The following CNGB3 variants were observed in gnomAD, a reference collection of about 807,000 sequenced individuals.
The protein encoded by CNGB3 is cyclic nucleotide-gated channel beta-3.
Under a neutral mutation model 92.8 loss-of-function variants are expected in CNGB3, and 86 were observed. That is an observed-to-expected ratio of 0.93 (90% CI 0.78 to 1.11). The LOEUF (loss-of-function observed/expected upper bound fraction) is 1.11. CNGB3 is among the 50% of genes least tolerant of loss of function. The probability of loss-of-function intolerance (pLI) is 0.00; values close to 1 mark genes in which losing one functional copy is unlikely to be tolerated. For missense variants in CNGB3, 1,026 were observed against 956.8 expected, an observed-to-expected ratio of 1.07 and a Z score of -0.95; for synonymous variants, 333 against 332.7, an observed-to-expected ratio of 1.00 and a Z score of -0.01.
intron 3 of CNGB3, among the ~76,000 whole-genome samples, chr8:86,683,237 A>G (rs77969655): frequency 6.6e-6 from 1 of 152,122 alleles, no homozygotes; most frequent in Non-Finnish European, 1.5e-5. Flanking sequence ...TAGTTAAGAG[A>G]TACTCTGAGT....
At chr8:86,738,331 C>T (rs1458431873) in intron 2 of CNGB3, among the ~76,000 whole-genome samples, 1 of 152,104 alleles carries the variant, frequency 6.6e-6, no homozygotes, top group Non-Finnish European at 1.5e-5. Context: ...TTTTGTCCTG[C>T]AGGCAATATG....
chr8:86,641,701 A>G (rs1823191356), intron 10 of CNGB3, among the ~76,000 whole-genome samples: 1 of 151,424 alleles, frequency 6.6e-6, no homozygotes, highest in Admixed American at 6.6e-5. Flanking sequence ...GGTTACTCAC[A>G]CTCATTTTCT....
At chr8:86,633,969 A>G (rs1159709787) in intron 10 of CNGB3, among the ~76,000 whole-genome samples, 1 of 152,202 alleles carries the variant, frequency 6.6e-6, no homozygotes, top group South Asian at 2.1e-4. Context: ...GAAATTTGGT[A>G]TTGAAGAAAA....
intron 15 of CNGB3, among the ~76,000 whole-genome samples, chr8:86,597,590 T>C (rs868238993): frequency 6.6e-6 from 1 of 152,056 alleles, no homozygotes; most frequent in Non-Finnish European, 1.5e-5. Context: ...GGGGAAAGCA[T>C]CCAGGCGGAG....
At chr8:86,661,921 G>T in intron 6 of CNGB3, 1 of 742,098 alleles carries the variant, frequency 1.3e-6, no homozygotes, top group Non-Finnish European at 2.4e-6. Context: ...TAGGATTCTT[G>T]GAATCTCTAG....
intron 6 of CNGB3, chr8:86,659,588 G>T: frequency 3.6e-6 from 2 of 551,986 alleles, no homozygotes. Context: ...TGTAGAGACA[G>T]CAGAGAGAGC....
At chr8:86,644,810 C>A in intron 8 of CNGB3, 124 bp from the exon 9 acceptor site, 2 of 655,258 alleles carry the variant, frequency 3.1e-6, no homozygotes, top group Non-Finnish European at 4.2e-6. Flanking sequence ...TTTAAAAAAA[C>A]CAAGATCCTG....
chr8:86,668,676 A>C (rs1013861927), intron 4 of CNGB3, among the ~76,000 whole-genome samples: 1 of 132,690 alleles, frequency 7.5e-6, no homozygotes, highest in Non-Finnish European at 1.6e-5. Flanking sequence ...AAATAAATAA[A>C]TGTTAATAAA....
intron 3 of CNGB3, among the ~76,000 whole-genome samples, chr8:86,724,067 A>G (rs1037264905): frequency 9.9e-5 from 15 of 152,134 alleles, no homozygotes; most frequent in African/African-American, 3.6e-4. Context: ...TCAAAAAACT[A>G]CCTATTGTGT....
At chr8:86,607,675 C>G (rs903913802) in intron 14 of CNGB3, among the ~76,000 whole-genome samples, 7 of 152,070 alleles carry the variant, frequency 4.6e-5, no homozygotes, top group African/African-American at 1.7e-4. Flanking sequence ...AACAAGAGCT[C>G]TAGGTGATTT....
At chr8:86,606,325 A>G (rs151311718) in intron 14 of CNGB3, among the ~76,000 whole-genome samples, 285 of 151,688 alleles carry the variant, frequency 1.9e-3, no homozygotes, top group African/African-American at 6.4e-3. Flanking sequence ...TAATTTTTGT[A>G]TTTATTGTAG....
In CNGB3 at chr8:86,587,163, T is replaced by C. The variant is rs62512473; in HGVS notation, c.1782-7911A>G. Among the ~76,000 whole-genome samples the C allele has an allele frequency of 6.4e-3, 875 of 137,196 alleles. 3 individuals carry two copies. The highest frequency in any genetic ancestry group is 0.011 in the Non-Finnish European group (672 of 62,420). 90.0% of individuals were successfully genotyped at this position (137,196 alleles called of 152,430 possible). ...TTGAGAAGTGTCTGTTCATGTCCTT[T>C]GCCCACTTTTTGATGGGGTTGTTTG... On this transcript the variant is annotated intron_variant, in intron 15 of 17. Transcript: ENST00000320005.
chr8:86,651,586 G>T (rs1482497820), intron 7 of CNGB3, among the ~76,000 whole-genome samples: 4 of 151,718 alleles, frequency 2.6e-5, no homozygotes, highest in African/African-American at 9.7e-5. Context: ...ACAGTTTTTG[G>T]CTTAAATCAT....
At chr8:86,741,230 T>C (rs1470315791) in intron 1 of CNGB3, among the ~76,000 whole-genome samples, 1 of 152,234 alleles carries the variant, frequency 6.6e-6, no homozygotes, top group Non-Finnish European at 1.5e-5. Flanking sequence ...AAAGGTCGAA[T>C]TCCGTGAAAG....
At position 86,643,748 on chromosome 8, in the gene CNGB3, T is replaced by G; in HGVS notation, c.1178+3A>C. On this transcript the variant is annotated splice_donor_region_variant and intron_variant, in intron 10 of 17. Transcript: ENST00000320005. Reference sequence around the variant, plus strand: ...AAAGGTTTCTTTCAAAATCAGAACTTACTCGTTTCCTTCCCCATCATACAC... The same window carrying G: ...AAAGGTTTCTTTCAAAATCAGAACTGACTCGTTTCCTTCCCCATCATACAC... 6.2e-7 allele frequency: 1 copy of G among 1,605,198 alleles called. No individual in the cohort carries two copies. Among genetic ancestry groups the G allele is most frequent in the Middle Eastern group, 1.7e-4 (1 of 6,024 alleles).
intron 10 of CNGB3, among the ~76,000 whole-genome samples, chr8:86,635,869 T>TATATAC (rs1554611026): frequency 1.3e-4 from 9 of 70,830 alleles, no homozygotes; most frequent in East Asian, 4.0e-4. Context: ...TATATACACA[T>TATATAC]ACACATATAC....
At chr8:86,594,171 CG>C in intron 15 of CNGB3, 1 of 277,702 alleles carries the variant, frequency 3.6e-6, no homozygotes, top group Non-Finnish European at 7.2e-6. Context: ...GTGTCTCCAA[CG>C]ATCACCCACT....
chr8:86,652,639 C>T (rs1249761340), intron 7 of CNGB3, among the ~76,000 whole-genome samples: 1 of 151,800 alleles, frequency 6.6e-6, no homozygotes, highest in Non-Finnish European at 1.5e-5. Context: ...CACAAATTAG[C>T]CTAGGCTTAC....
chr8:86,625,380 C>T (rs565563544), intron 13 of CNGB3, among the ~76,000 whole-genome samples: 21 of 152,006 alleles, frequency 1.4e-4, no homozygotes, highest in Admixed American at 9.8e-4. Context: ...ATGGATGAGT[C>T]GGTGAATGCT....
Sources: gnomAD v4.1 joint callset for allele counts (sites outside exome capture counted in the v4.1 genomes callset) on GRCh38, gnomAD v4.1.1 for gene constraint, MANE v1.5 for transcripts, NCBI Gene and HGNC (gene_info 2026-07-23, HGNC 2026-07-21) for gene names.